LRRK1: variants seen among roughly 807,000 people sequenced by gnomAD.
LRRK1 encodes the protein leucine rich repeat kinase 1.
Under a neutral mutation model 209.1 loss-of-function variants are expected in LRRK1, and 113 were observed. The ratio of observed to expected loss-of-function variants is 0.54; its 90% CI spans 0.46 to 0.63. The LOEUF is 0.63. Ranked by LOEUF, LRRK1 falls within the 30% of genes least tolerant of loss-of-function variation. The probability of loss-of-function intolerance (pLI) is 0.00; values close to 1 mark genes in which losing one functional copy is unlikely to be tolerated. For synonymous variants in LRRK1, 1,144 were observed against 1,099.7 expected, an observed-to-expected ratio of 1.04 and a Z score of -0.80; for missense variants, 2,284 against 2,632.2, an observed-to-expected ratio of 0.87 and a Z score of 2.89.
At chr15:100,962,247 A>C (rs1221908812) in intron 2 of LRRK1, among the ~76,000 whole-genome samples, 1 of 152,166 alleles carries the variant, frequency 6.6e-6, no homozygotes, top group Non-Finnish European at 1.5e-5. Flanking sequence ...TTAAAACTCC[A>C]GGCTGGGCAT....
chr15:100,973,996 C>T (rs2031138302), intron 3 of LRRK1, 29 bp downstream of exon 3: 1 of 1,244,326 alleles, frequency 8.0e-7, no homozygotes, highest in Non-Finnish European at 1.0e-6. Flanking sequence ...CTGCGGCCAC[C>T]CATGCAGCCC....
At position 100,989,482 on chromosome 15, in the gene LRRK1, A is replaced by G. The variant is rs940458092; in HGVS notation, c.762+84A>G. ...TCCTGCAGACTGGGTAATTTATAAT[A>G]AACAGAAATATATTTGGCTTACAGG... On this transcript the variant is annotated intron_variant, in intron 6 of 33. Coordinates refer to ENST00000388948, the MANE Select transcript of LRRK1 (RefSeq NM_024652.6). The G allele has an allele frequency of 3.5e-6, 5 of 1,417,748 alleles. No individual in the cohort carries two copies. In the African/African-American group the frequency reaches 7.1e-5, roughly 20 times the overall value. 87.8% of individuals were successfully genotyped at this position (1,417,748 alleles called of 1,614,324 possible).
At chr15:100,922,739 A>T (rs549650187) in intron 1 of LRRK1, among the ~76,000 whole-genome samples, 1 of 152,278 alleles carries the variant, frequency 6.6e-6, no homozygotes, top group South Asian at 2.1e-4. Context: ...TTTTGCCCAG[A>T]TTGATCGTTT....
intron 2 of LRRK1, among the ~76,000 whole-genome samples, chr15:100,963,094 A>G (rs1311151882): frequency 6.6e-6 from 1 of 151,498 alleles, no homozygotes; most frequent in African/African-American, 2.4e-5. Flanking sequence ...AAGTGCTGGG[A>G]TTACAGGCAT....
At chr15:100,943,643 T>C (rs955685971) in intron 2 of LRRK1, among the ~76,000 whole-genome samples, 2 of 151,920 alleles carry the variant, frequency 1.3e-5, no homozygotes, top group Admixed American at 6.6e-5. Context: ...AAAATAAGTT[T>C]AGTTCCTCCT....
At chr15:100,972,423 A>G (rs1488669730) in intron 2 of LRRK1, among the ~76,000 whole-genome samples, 2 of 151,158 alleles carry the variant, frequency 1.3e-5, no homozygotes, top group Non-Finnish European at 2.9e-5. Context: ...TTTGAAGAAT[A>G]AAGAGAAGGT....
chr15:101,051,854 C>G lies in LRRK1; in HGVS notation c.3583C>G (p.Leu1195Val). 6.2e-7 allele frequency: 1 copy of G among 1,614,154 alleles called. No homozygotes were observed. Among genetic ancestry groups the G allele is most frequent in the Non-Finnish European group, 8.5e-7 (1 of 1,180,042 alleles). Residue 1195 changes from leucine to valine, a missense_variant, in exon 24 of 34, where the codon CTG (leucine) becomes GTG (valine). By Grantham distance (32) the Leu-to-Val change is conservative. Transcript: ENST00000388948. ...VQYFDMEDCV[L>V]TAIERDFISC... ...GTACTTCGACATGGAAGACTGTGTC[C>G]TGACGGCCATCGAGCGGGACTTCAT...
chr15:100,976,090 G>A (rs2031276535), intron 3 of LRRK1, among the ~76,000 whole-genome samples: 1 of 151,982 alleles, frequency 6.6e-6, no homozygotes, highest in African/African-American at 2.4e-5. Context: ...TAGATGAAAT[G>A]AACAAATAAA....
intron 6 of LRRK1, among the ~76,000 whole-genome samples, chr15:100,994,181 T>C (rs1284321029): frequency 2.0e-5 from 3 of 152,234 alleles, no homozygotes; most frequent in Non-Finnish European, 2.9e-5. Context: ...ATGAAATTAT[T>C]GGGGTATAAA....
At chr15:100,967,334 A>T (rs1018030201) in intron 2 of LRRK1, among the ~76,000 whole-genome samples, 11 of 152,102 alleles carry the variant, frequency 7.2e-5, no homozygotes, top group African/African-American at 2.7e-4. Context: ...AATAATCTCC[A>T]CTCAGACACA....
chr15:101,034,922 G>A (rs537194789), intron 20 of LRRK1, among the ~76,000 whole-genome samples: 6 of 151,410 alleles, frequency 4.0e-5, no homozygotes, highest in Admixed American at 6.6e-5. Flanking sequence ...TTTGTATTTC[G>A]GTGGTATCAG....
At chr15:101,061,331 C>T in intron 30 of LRRK1, 43 bp downstream of exon 30, 1 of 1,379,784 alleles carries the variant, frequency 7.2e-7, no homozygotes, top group Non-Finnish European at 1.0e-6. Context: ...TAAGCACTGC[C>T]CACTGGGTGC....
Position 101,075,176 on chromosome 15 carries a change from C to T in LRRK1, c.*6328C>T, listed in dbSNP as rs113260422. 5 of 49,914 alleles carry T rather than the reference C, an allele frequency of 1.0e-4. 2 individuals carry two copies. The highest frequency in any genetic ancestry group is 2.0e-4 in the Non-Finnish European group (5 of 24,724). The allele number at this position is 49,914 out of a possible 1,614,324, so 3.1% of individuals were successfully genotyped here. On this transcript the variant is annotated 3_prime_UTR_variant, in exon 34 of 34. Coordinates refer to ENST00000388948, the MANE Select transcript of LRRK1 (RefSeq NM_024652.6). ...GGGCCTGTTTCCCTTACCTCCATAACTGTTGTGCGTATTGACAGCCAGGCT... is the reference window on the plus strand; with the variant it reads ...GGGCCTGTTTCCCTTACCTCCATAATTGTTGTGCGTATTGACAGCCAGGCT...
chr15:101,018,946 T>C (rs1218984542), intron 12 of LRRK1, among the ~76,000 whole-genome samples: 1 of 152,196 alleles, frequency 6.6e-6, no homozygotes, highest in Non-Finnish European at 1.5e-5. Flanking sequence ...GATAGTAAAA[T>C]TCCAAGTAGA....
intron 20 of LRRK1, among the ~76,000 whole-genome samples, chr15:101,041,351 C>T (rs7173116): frequency 0.91 from 138,280 of 152,258 alleles, 64,311 homozygotes; most frequent in East Asian, 1. Flanking sequence ...TTGATTCATT[C>T]ACATTTATCA....
At chr15:100,966,694 G>C (rs1053684310) in intron 2 of LRRK1, among the ~76,000 whole-genome samples, 5 of 152,314 alleles carry the variant, frequency 3.3e-5, no homozygotes, top group African/African-American at 9.6e-5. Flanking sequence ...CAGCCCACAG[G>C]GTCGGTGAGA....
Position 101,027,182 on chromosome 15 carries a change from C to A in LRRK1, c.2406-79C>A. The stretch of plus-strand genomic sequence containing the variant: ...CAGACTTGCCAGCGTTCAGGACAAA[C>A]CTCTCAGGGAAACAGAGAAGCAGCA... On this transcript the variant is annotated intron_variant, in intron 17 of 33. Coordinates refer to ENST00000388948, the MANE Select transcript of LRRK1 (RefSeq NM_024652.6). The surrounding 1 kb of genome is among the most constrained non-coding windows in gnomAD (Gnocchi z 5.1). The A allele has an allele frequency of 1.3e-6, 2 of 1,573,916 alleles. No homozygotes were observed. Among genetic ancestry groups the A allele is most frequent in the East Asian group, 2.2e-5 (1 of 44,518 alleles).
intron 20 of LRRK1, 36 bp from the exon 21 acceptor site, chr15:101,045,945 C>A: frequency 6.3e-7 from 1 of 1,593,582 alleles, no homozygotes; most frequent in Non-Finnish European, 8.6e-7. Flanking sequence ...GGAGCTTGGG[C>A]CCCACTGTTC....
intron 3 of LRRK1, among the ~76,000 whole-genome samples, chr15:100,982,552 G>C (rs996209325): frequency 6.6e-6 from 1 of 152,178 alleles, no homozygotes. Context: ...ACTGGAATGA[G>C]CAGGAACTCA....
Sources: allele counts gnomAD v4.1 joint callset (sites outside exome capture counted in the v4.1 genomes callset), GRCh38; gene constraint gnomAD v4.1.1; non-coding constraint Gnocchi (gnomAD v3.1); transcripts MANE v1.5; gene names NCBI Gene and HGNC (gene_info 2026-07-23, HGNC 2026-07-21).